Variants in GFOD1 observed in about 807,000 individuals in gnomAD.
GFOD1 encodes the protein glucose-fructose oxidoreductase domain-containing protein 1.
In GFOD1, 9 loss-of-function variants were observed where a neutral mutation model predicts 25.4. The observed-to-expected ratio is 0.35, with a 90% CI of 0.21 to 0.62. The LOEUF is 0.62. Among genes scored for constraint, GFOD1 ranks in the 20% least tolerant of loss-of-function variants. The pLI is 0.72. For missense variants in GFOD1, 403 were observed against 556.9 expected (o/e 0.72, Z 2.78); for synonymous variants, 253 against 245.6 (o/e 1.03, Z -0.28).
chr6:13,407,431 CT>C (rs1225870224), intron 1 of GFOD1, among the ~76,000 whole-genome samples: 3 of 152,182 alleles, frequency 2.0e-5, no homozygotes, highest in African/African-American at 7.2e-5. Context: ...CTACATCTTC[CT>C]CCTTGCCTTT....
chr6:13,486,746 G>A lies in GFOD1; in HGVS notation c.145C>T (p.Pro49Ser), dbSNP rs2127580913. The A allele has an allele frequency of 6.2e-7, 1 of 1,614,094 alleles. No individual in the cohort carries two copies. The highest frequency in any genetic ancestry group is 8.5e-7 in the Non-Finnish European group (1 of 1,179,996). The change falls in exon 1 of 2, where the codon CCC becomes TCC. Residue 49 changes from proline (P) to serine (S), a missense_variant. Transcript: ENST00000379287. ...AEELAKEMSV[P>S]FYTSRIDEVL... ...TCATCAATGCGGCTAGTGTAGAAGG[G>A]GACACTCATCTCCTTGGCCAGCTCC...
chr6:13,453,444 T>C (rs1294735536), intron 1 of GFOD1, among the ~76,000 whole-genome samples: 2 of 152,238 alleles, frequency 1.3e-5, no homozygotes, highest in African/African-American at 4.8e-5. Flanking sequence ...CAAAGATAAT[T>C]TCTTTTCAGT....
At chr6:13,446,299 A>C (rs1238484702) in intron 1 of GFOD1, among the ~76,000 whole-genome samples, 5 of 152,186 alleles carry the variant, frequency 3.3e-5, no homozygotes, top group Non-Finnish European at 7.3e-5. Flanking sequence ...AATTCCCAAA[A>C]CTGAATCCTA....
Position 13,363,666 on chromosome 6 carries a change from C to T in GFOD1, c.*1077G>A, listed in dbSNP as rs1278292502. The T allele has an allele frequency of 2.0e-5, 3 of 148,530 alleles. No individual in the cohort carries two copies. In the Admixed American group the frequency reaches 2.0e-4, roughly 10 times the overall value. 9.2% of individuals were successfully genotyped at this position (148,530 alleles called of 1,614,324 possible). ...TGGATGAATCTCCTAAAAGCTCTTG[C>T]CCAGCTTGGTAGGAGAGATGCGCGA... On this transcript the variant is annotated 3_prime_UTR_variant, in exon 2 of 2. Coordinates refer to ENST00000379287, the MANE Select transcript of GFOD1 (RefSeq NM_018988.4).
chr6:13,409,793 A>G (rs1468046367), intron 1 of GFOD1, among the ~76,000 whole-genome samples: 5 of 152,034 alleles, frequency 3.3e-5, no homozygotes, highest in African/African-American at 1.2e-4. Context: ...ATGGTGGCAC[A>G]CACCTGTAGT....
intron 1 of GFOD1, among the ~76,000 whole-genome samples, chr6:13,385,858 G>A (rs1785463152): frequency 6.6e-6 from 1 of 152,154 alleles, no homozygotes; most frequent in Non-Finnish European, 1.5e-5. Flanking sequence ...TAAGGATAAA[G>A]CCAGTGAATT....
intron 1 of GFOD1, among the ~76,000 whole-genome samples, chr6:13,466,413 C>T (rs1584668354): frequency 2.0e-5 from 3 of 152,180 alleles, no homozygotes; most frequent in East Asian, 3.9e-4. Flanking sequence ...AGGCTTTCCA[C>T]CCACACAGAT....
chr6:13,402,204 C>T (rs1401679268), intron 1 of GFOD1, among the ~76,000 whole-genome samples: 1 of 152,100 alleles, frequency 6.6e-6, no homozygotes, highest in Non-Finnish European at 1.5e-5. Flanking sequence ...GGATCAAAGC[C>T]TAAATGTAAA....
At chr6:13,414,685 G>A (rs1228195021) in intron 1 of GFOD1, among the ~76,000 whole-genome samples, 1 of 152,202 alleles carries the variant, frequency 6.6e-6, no homozygotes, top group Non-Finnish European at 1.5e-5. Flanking sequence ...TGGCTGGCAT[G>A]TAGGAAATGC....
chr6:13,478,672 C>A (rs1367757792), intron 1 of GFOD1, among the ~76,000 whole-genome samples: 1 of 152,222 alleles, frequency 6.6e-6, no homozygotes, highest in Non-Finnish European at 1.5e-5. Flanking sequence ...GGGGGCAGGG[C>A]TGCACCTTTC....
At chr6:13,483,269 C>T (rs141304897) in intron 1 of GFOD1, among the ~76,000 whole-genome samples, 6 of 152,090 alleles carry the variant, frequency 3.9e-5, no homozygotes, top group South Asian at 2.1e-4. Context: ...TATTGAAGGG[C>T]GAACATGGAA....
chr6:13,476,246 A>T (rs1316856239), intron 1 of GFOD1, among the ~76,000 whole-genome samples: 1 of 152,250 alleles, frequency 6.6e-6, no homozygotes, highest in East Asian at 1.9e-4. Flanking sequence ...CACACAATGG[A>T]GTATCACCCA....
At position 13,384,414 on chromosome 6, in the gene GFOD1, G is replaced by A. The variant is rs183125192; in HGVS notation, c.254-18752C>T. Reference sequence around the variant, plus strand: ...TAGGAGCACCATCAAGAAAATTGCTGAGACATTAAAGGCACTGTGCATGGA... The same window carrying A: ...TAGGAGCACCATCAAGAAAATTGCTAAGACATTAAAGGCACTGTGCATGGA... On this transcript the variant is annotated intron_variant, in intron 1 of 1. Coordinates refer to ENST00000379287, the MANE Select transcript of GFOD1 (RefSeq NM_018988.4). 3.3e-4 allele frequency among the ~76,000 whole-genome samples: 51 copies of A among 152,266 alleles called. 1 individual carries two copies. The highest frequency in any genetic ancestry group is 3.4e-3 in the Middle Eastern group (1 of 294).
chr6:13,417,603 G>T (rs1194001179), intron 1 of GFOD1, among the ~76,000 whole-genome samples: 1 of 152,240 alleles, frequency 6.6e-6, no homozygotes, highest in Non-Finnish European at 1.5e-5. Context: ...CAACAGTGCT[G>T]CTAGTACAGT....
chr6:13,428,139 T>C (rs16874152), intron 1 of GFOD1, among the ~76,000 whole-genome samples: 14,783 of 152,202 alleles, frequency 0.097, 1,216 homozygotes, highest in African/African-American at 0.23. Context: ...AAACAGATCG[T>C]CTTTTCTATC....
At position 13,486,943 on chromosome 6, in the gene GFOD1, G is replaced by C; in HGVS notation, c.-53C>G. ...TCTGCTCGGATCTCCAGTCCAACGC[G>C]CGCACACACCCACCTCTAGCCAGTC... is the stretch of plus-strand genomic sequence containing the variant. On this transcript the variant is annotated 5_prime_UTR_variant, in exon 1 of 2. Transcript: ENST00000379287. 6.3e-7 allele frequency: 1 copy of C among 1,576,542 alleles called. No homozygotes were observed. The highest frequency in any genetic ancestry group is 1.7e-5 in the Admixed American group (1 of 58,926).
chr6:13,381,476 C>G (rs145374829), intron 1 of GFOD1, among the ~76,000 whole-genome samples: 1 of 152,196 alleles, frequency 6.6e-6, no homozygotes, highest in Non-Finnish European at 1.5e-5. Flanking sequence ...AGGGTCCCAG[C>G]GGAGCTGAAA....
chr6:13,372,299 C>A (rs1206250650), intron 1 of GFOD1, among the ~76,000 whole-genome samples: 35 of 152,312 alleles, frequency 2.3e-4, no homozygotes, highest in Non-Finnish European at 2.9e-5. Context: ...CTTTACTGCC[C>A]TCCTGAGATC....
At chr6:13,403,598 T>A (rs559861140) in intron 1 of GFOD1, among the ~76,000 whole-genome samples, 1 of 152,236 alleles carries the variant, frequency 6.6e-6, no homozygotes, top group African/African-American at 2.4e-5. Flanking sequence ...TATAATACTA[T>A]GAGACCACCA....
Sources: gnomAD v4.1 joint callset for allele counts (sites outside exome capture counted in the v4.1 genomes callset) on GRCh38, gnomAD v4.1.1 for gene constraint, MANE v1.5 for transcripts, NCBI Gene and HGNC (gene_info 2026-07-23, HGNC 2026-07-21) for gene names.